LIPE: variants seen among roughly 807,000 people sequenced by gnomAD.
The protein encoded by LIPE is hormone-sensitive lipase.
In LIPE, 66 loss-of-function variants were observed where a neutral mutation model predicts 88.5. That is an observed-to-expected ratio of 0.75 (90% CI 0.61 to 0.91). The LOEUF is 0.91. Among genes scored for constraint, LIPE ranks in the 40% least tolerant of loss-of-function variants. The probability of loss-of-function intolerance (pLI) is 0.00; values close to 1 mark genes in which losing one functional copy is unlikely to be tolerated. For synonymous variants in LIPE, 570 were observed against 617.5 expected, an observed-to-expected ratio of 0.92 and a Z score of 1.14; for missense variants, 1,346 against 1,434.7, an observed-to-expected ratio of 0.94 and a Z score of 1.00.
At position 42,426,266 on chromosome 19, in the gene LIPE, C is replaced by T. The variant is rs199830207; in HGVS notation, c.883+1G>A. ...TTCAATTCCTCCAGATTCACACTCA[C>T]CTGTATCCTGGTAGTGTCTGTGATT... is the stretch of plus-strand genomic sequence containing the variant. On this transcript the variant is annotated splice_donor_variant, in intron 1 of 9. Transcript: ENST00000244289. LOFTEE classifies it high-confidence loss of function. 116 of 1,597,632 alleles carry T rather than the reference C, an allele frequency of 7.3e-5. No homozygotes were observed. The highest frequency in any genetic ancestry group is 9.1e-5 in the Non-Finnish European group (106 of 1,166,564).
chr19:42,426,916 T>C lies in LIPE; in HGVS notation c.234A>G (p.Gln78=). ...DAESQKEPRA[Q]QKSASQEEFL... The stretch of plus-strand genomic sequence containing the variant: ...ATTCCTCTTGTGAAGCAGATTTTTG[T>C]TGGGCTCTAGGTTCCTTCTGGGATT... The change falls in exon 1 of 10, where the codon CAA becomes CAG. Residue 78 remains glutamine (Q), a synonymous_variant. Transcript: ENST00000244289. 1 of 1,614,180 alleles carries C rather than the reference T, an allele frequency of 6.2e-7. No homozygotes were observed. The highest frequency in any genetic ancestry group is 8.5e-7 in the Non-Finnish European group (1 of 1,180,024).
At position 42,401,922 on chromosome 19, in the gene LIPE, C is replaced by T. The variant is rs995922232; in HGVS notation, c.3121G>A (p.Glu1041Lys). ...ALCRETRQAA[E>K]LCVERIRLVL... ...AGGCGGATGCGCTCCACGCACAGCT[C>T]TGCGGCCTGGCGCGTCTCGCGGCAC... Residue 1041 changes from glutamate (E) to lysine (K), a missense_variant, in exon 10 of 10, where the codon GAG (glutamate) becomes AAG (lysine). By Grantham distance (56) the Glu-to-Lys change is moderately conservative. Coordinates refer to ENST00000244289, the MANE Select transcript of LIPE (RefSeq NM_005357.4). 1 of 1,555,412 alleles carries T rather than the reference C, an allele frequency of 6.4e-7. No individual in the cohort carries two copies. Among genetic ancestry groups the T allele is most frequent in the Admixed American group, 1.9e-5 (1 of 52,310 alleles).
Position 42,402,623 on chromosome 19 carries a change from G to A in LIPE, c.2951C>T (p.Pro984Leu). The A allele has an allele frequency of 3.3e-6, 5 of 1,494,284 alleles. No homozygotes were observed. The South Asian group carries it at 7.0e-5, about 21-fold the overall frequency. 92.6% of individuals were successfully genotyped at this position (1,494,284 alleles called of 1,614,324 possible). A position where few individuals can be genotyped will look rare whatever the true frequency, so the allele number is the denominator to read the frequency against. Reference sequence around the variant, plus strand: ...GTCGCTCACCACGATGTGCACAGGTGGCAGGCTCTTGAGCATGCTGTCGGG... The same window carrying A: ...GTCGCTCACCACGATGTGCACAGGTAGCAGGCTCTTGAGCATGCTGTCGGG... ...LAPDSMLKSL[P>L]PVHIVACALD... is the part of the protein sequence containing the mutation. The change falls in exon 9 of 10, where the codon CCA (proline) becomes CTA (leucine). Residue 984 changes from proline to leucine, a missense_variant. Physicochemically the swap from Pro to Leu is moderately conservative, Grantham distance 98. Coordinates refer to ENST00000244289, the MANE Select transcript of LIPE (RefSeq NM_005357.4).
At position 42,414,400 on chromosome 19, in the gene LIPE, T is replaced by C. The variant is rs2040449218; in HGVS notation, c.884-3558A>G. On this transcript the variant is annotated intron_variant, in intron 1 of 9. Coordinates refer to ENST00000244289, the MANE Select transcript of LIPE (RefSeq NM_005357.4). The surrounding 1 kb of genome is among the most constrained non-coding windows in gnomAD (Gnocchi z 4.6). ...GAGTCTGTTTTCCTCATCTGGAAAC[T>C]GCACTTGGCTGTTCTGCTGGCTCAG... is the stretch of plus-strand genomic sequence containing the variant. 6.6e-6 allele frequency among the ~76,000 whole-genome samples: 1 copy of C among 152,246 alleles called. No homozygotes were observed. Among genetic ancestry groups the C allele is most frequent in the South Asian group, 2.1e-4 (1 of 4,832 alleles).
At position 42,410,772 on chromosome 19, in the gene LIPE, G is replaced by A. The variant is rs541309556; in HGVS notation, c.954C>T (p.Asn318=). 4.5e-5 allele frequency: 72 copies of A among 1,609,588 alleles called. 1 individual carries two copies. The South Asian group carries it at 7.6e-4, about 17-fold the overall frequency. Residue 318 remains asparagine, a synonymous_variant, in exon 2 of 10, where the codon AAC becomes AAT. Coordinates refer to ENST00000244289, the MANE Select transcript of LIPE (RefSeq NM_005357.4). This position sits in a 1 kb window ranked among gnomAD's most constrained non-coding sequence, Gnocchi z 6.1. ...GACCCTGGCTCGAGAAGAAGGCTAT[G>A]TTGTCCTCCGCCAGAGTCACCAGCG... ...TQSLVTLAED[N]IAFFSSQGPG... is the part of the protein sequence containing the mutation.
At chr19:42,424,142 C>T in intron 1 of LIPE, 12 of 1,196,500 alleles carry the variant, frequency 1.0e-5, no homozygotes, top group Non-Finnish European at 1.3e-5. Context: ...TCCTATTGCG[C>T]TTTTCCTGGG....
Position 42,426,620 on chromosome 19 carries a change from G to T in LIPE, c.530C>A (p.Ser177Tyr). The T allele has an allele frequency of 6.2e-7, 1 of 1,614,202 alleles. No homozygotes were observed. The highest frequency in any genetic ancestry group is 8.5e-7 in the Non-Finnish European group (1 of 1,180,050). Reference sequence around the variant, plus strand: ...GTCTGACTGTTCAGGTGTCTCTTGGGACGTAGATTCAGTCGGGGCAGATGG... The same window carrying T: ...GTCTGACTGTTCAGGTGTCTCTTGGTACGTAGATTCAGTCGGGGCAGATGG... The part of the protein sequence containing the change: ...REPSAPTEST[S>Y]QETPEQSDKQ... The change falls in exon 1 of 10, where the codon TCC becomes TAC. Residue 177 changes from serine to tyrosine, a missense_variant. Transcript: ENST00000244289.
intron 1 of LIPE, chr19:42,423,074 C>T (rs2040631046): frequency 3.7e-6 from 1 of 267,282 alleles, no homozygotes; most frequent in Admixed American, 5.2e-5. Context: ...TGAACATCGG[C>T]GCTTGAAGCA....
In LIPE at chr19:42,420,345, C is replaced by T. The variant is rs149180810; in HGVS notation, c.883+5922G>A. On this transcript the variant is annotated intron_variant, in intron 1 of 9. Coordinates refer to ENST00000244289, the MANE Select transcript of LIPE (RefSeq NM_005357.4). Reference sequence around the variant, plus strand: ...CTCTGCAGGTATGTGTCATGGCTGGCGTGTGTCCTGGCCTGTGTCCGTCGG... The same window carrying T: ...CTCTGCAGGTATGTGTCATGGCTGGTGTGTGTCCTGGCCTGTGTCCGTCGG... Among the ~76,000 whole-genome samples, 36 of 152,108 alleles carry T rather than the reference C, an allele frequency of 2.4e-4. No individual in the cohort carries two copies. The East Asian group carries it at 6.8e-3, about 29-fold the overall frequency.
intron 1 of LIPE, among the ~76,000 whole-genome samples, chr19:42,425,551 C>T (rs1321642168): frequency 3.9e-5 from 6 of 152,078 alleles, no homozygotes; most frequent in Non-Finnish European, 8.8e-5. Flanking sequence ...GTGGCTCATG[C>T]CTGTAATCTC....
At chr19:42,411,620 A>G (rs16975743) in intron 1 of LIPE, among the ~76,000 whole-genome samples, 9,743 of 152,016 alleles carry the variant, frequency 0.064, 980 homozygotes, top group African/African-American at 0.22. Context: ...GTCATTCCTC[A>G]TCCTTCAAGT....
At position 42,402,624 on chromosome 19, in the gene LIPE, G is replaced by A; in HGVS notation, c.2950C>T (p.Pro984Ser). 6.7e-7 allele frequency: 1 copy of A among 1,492,596 alleles called. No individual in the cohort carries two copies. Among genetic ancestry groups the A allele is most frequent in the East Asian group, 2.3e-5 (1 of 42,700 alleles). The allele number at this position is 1,492,596 out of a possible 1,614,324, so 92.5% of individuals were successfully genotyped here. The part of the protein sequence containing the change: ...LAPDSMLKSL[P>S]PVHIVACALD... ...TCGCTCACCACGATGTGCACAGGTGGCAGGCTCTTGAGCATGCTGTCGGGT... is the reference window on the plus strand; with the variant it reads ...TCGCTCACCACGATGTGCACAGGTGACAGGCTCTTGAGCATGCTGTCGGGT... Residue 984 changes from proline to serine, a missense_variant, in exon 9 of 10, where the codon CCA (proline) becomes TCA (serine). Physicochemically the swap from Pro to Ser is moderately conservative, Grantham distance 74. Coordinates refer to ENST00000244289, the MANE Select transcript of LIPE (RefSeq NM_005357.4).
chr19:42,426,451 C>A lies in LIPE; in HGVS notation c.699G>T (p.Glu233Asp), dbSNP rs775049593. The change falls in exon 1 of 10, where the codon GAG (glutamate) becomes GAT (aspartate). Residue 233 changes from glutamate (E) to aspartate (D), a missense_variant. By Grantham distance (45) the Glu-to-Asp change is conservative (BLOSUM62 2). Coordinates refer to ENST00000244289, the MANE Select transcript of LIPE (RefSeq NM_005357.4). ...KALSEWVTDSESESDVGSSSD... is the reference protein window; with the variant it reads ...KALSEWVTDSDSESDVGSSSD... ...AAGATGATCCCACATCTGATTCTGA[C>A]TCAGAATCTGTGACCCACTCAGAAA... 1 of 1,613,670 alleles carries A rather than the reference C, an allele frequency of 6.2e-7. No homozygotes were observed. The highest frequency in any genetic ancestry group is 1.7e-5 in the Admixed American group (1 of 60,028).
At chr19:42,403,598 C>T (rs1431924174) in intron 8 of LIPE, among the ~76,000 whole-genome samples, 3 of 151,442 alleles carry the variant, frequency 2.0e-5, no homozygotes, top group East Asian at 3.9e-4. Context: ...TAGGCATGTG[C>T]CACCATGCCC....
rs2040253229 is a variant in LIPE, at chr19:42,408,225, G to C, written c.1510+7C>G. 3 of 1,613,972 alleles carry C rather than the reference G, an allele frequency of 1.9e-6. No homozygotes were observed. Among genetic ancestry groups the C allele is most frequent in the Admixed American group, 1.7e-5 (1 of 60,010 alleles). The stretch of plus-strand genomic sequence containing the variant: ...TAGGCTGCGAGTAGAACCTGGCTGG[G>C]ACTCACTGAGGCCTGTCTCGTTGCG... On this transcript the variant is annotated splice_region_variant and intron_variant, in intron 3 of 9. Coordinates refer to ENST00000244289, the MANE Select transcript of LIPE (RefSeq NM_005357.4). The surrounding 1 kb of genome is among the most constrained non-coding windows in gnomAD (Gnocchi z 4.3).
chr19:42,418,577 G>A (rs2040534974), intron 1 of LIPE, among the ~76,000 whole-genome samples: 1 of 152,086 alleles, frequency 6.6e-6, no homozygotes, highest in Non-Finnish European at 1.5e-5. Context: ...ACTTTGGGAG[G>A]TCAAAGCAGG....
At position 42,426,101 on chromosome 19, in the gene LIPE, CT is replaced by C. The variant is rs1030833973; in HGVS notation, c.883+165del. Among the ~76,000 whole-genome samples the C allele has an allele frequency of 5.1e-3, 529 of 104,098 alleles. 2 individuals are homozygous for C. The highest frequency in any genetic ancestry group is 9.4e-3 in the African/African-American group (229 of 24,340). The allele number at this position is 104,098 out of a possible 152,430, so 68.3% of individuals were successfully genotyped here. ...ACAGGTGTGAGCCACTGCGCCCAGC[CT>C]TTTTTTTTTTTTTTTTTTTTTTTAA... On this transcript the variant is annotated intron_variant, in intron 1 of 9. Transcript: ENST00000244289.
chr19:42,415,710 T>C (rs2040472632), intron 1 of LIPE, among the ~76,000 whole-genome samples: 1 of 151,472 alleles, frequency 6.6e-6, no homozygotes, highest in Non-Finnish European at 1.5e-5. Flanking sequence ...CTAGGGAGGC[T>C]GAGGCAGGAG....
At position 42,413,706 on chromosome 19, in the gene LIPE, T is replaced by C. The variant is rs773993646; in HGVS notation, c.884-2864A>G. On this transcript the variant is annotated intron_variant, in intron 1 of 9. Transcript: ENST00000244289. ...AGATTAGGGCCTTGAAAGGGGCCTGTGTGACTGAGGGGCTCTGAGGCCTCA... is the reference window on the plus strand; with the variant it reads ...AGATTAGGGCCTTGAAAGGGGCCTGCGTGACTGAGGGGCTCTGAGGCCTCA... 6.6e-5 allele frequency among the ~76,000 whole-genome samples: 10 copies of C among 152,264 alleles called. 1 individual carries two copies. The South Asian group carries it at 1.9e-3, about 28-fold the overall frequency.
Sources: gnomAD v4.1 joint callset for allele counts (sites outside exome capture counted in the v4.1 genomes callset) on GRCh38, gnomAD v4.1.1 for gene constraint, Gnocchi (gnomAD v3.1) non-coding constraint, MANE v1.5 for transcripts, NCBI Gene and HGNC (gene_info 2026-07-23, HGNC 2026-07-21) for gene names.